Variants in LOC128706665 observed in about 807,000 individuals in gnomAD.
the LOC128706665 span, among the ~76,000 whole-genome samples, chr20:10,415,098 C>T: frequency 1.3e-5 from 2 of 151,960 alleles, no homozygotes; most frequent in African/African-American, 4.8e-5. Context: ...AGTGTCCTTG[C>T]TAAAAAAAAG....
At chr20:10,432,822 A>T in the LOC128706665 span, among the ~76,000 whole-genome samples, 1 of 141,736 alleles carries the variant, frequency 7.1e-6, no homozygotes, top group Admixed American at 7.2e-5. Flanking sequence ...AAAATCGTGT[A>T]GTTTTGTACA....
the LOC128706665 span, among the ~76,000 whole-genome samples, chr20:10,433,101 TCAA>T: frequency 6.6e-6 from 1 of 152,226 alleles, no homozygotes; most frequent in Non-Finnish European, 1.5e-5. Context: ...CCTCCAGGGC[TCAA>T]GCGATTCTCC....
the LOC128706665 span, among the ~76,000 whole-genome samples, chr20:10,417,864 T>C: frequency 1.6e-4 from 25 of 152,184 alleles, no homozygotes; most frequent in African/African-American, 5.8e-4. Context: ...AAAGAGGAAA[T>C]TGTTAAATGA....
the LOC128706665 span, among the ~76,000 whole-genome samples, chr20:10,429,253 T>C: frequency 1.4e-4 from 22 of 152,214 alleles, no homozygotes; most frequent in Non-Finnish European, 2.9e-4. Context: ...CTGTAGCCTT[T>C]TGATGTGTTC....
At chr20:10,425,688 C>G in the LOC128706665 span, among the ~76,000 whole-genome samples, 1 of 152,168 alleles carries the variant, frequency 6.6e-6, no homozygotes, top group Non-Finnish European at 1.5e-5. Context: ...CAAGAATAAG[C>G]TCAAAATGAT....
the LOC128706665 span, among the ~76,000 whole-genome samples, chr20:10,425,644 T>C: frequency 6.6e-6 from 1 of 152,228 alleles, no homozygotes; most frequent in African/African-American, 2.4e-5. Context: ...ATGGACTGTC[T>C]TGTAGAGATT....
At chr20:10,424,106 G>A in the LOC128706665 span, among the ~76,000 whole-genome samples, 2 of 152,080 alleles carry the variant, frequency 1.3e-5, no homozygotes, top group Admixed American at 1.3e-4. Context: ...TATTTTTAGA[G>A]TTTTCATTTA....
At chr20:10,416,798 C>T in the LOC128706665 span, among the ~76,000 whole-genome samples, 2 of 152,050 alleles carry the variant, frequency 1.3e-5, no homozygotes, top group African/African-American at 4.8e-5. Context: ...TAAATTAAGC[C>T]TATGGACCAT....
the LOC128706665 span, among the ~76,000 whole-genome samples, chr20:10,417,673 A>T: frequency 1.5e-4 from 1 of 6,834 alleles, no homozygotes; most frequent in Non-Finnish European, 3.1e-4. Flanking sequence ...CTTCTCTGTA[A>T]AAAAAAAAAA....
chr20:10,426,431 A>G, the LOC128706665 span, among the ~76,000 whole-genome samples: 8,506 of 152,226 alleles, frequency 0.056, 272 homozygotes, highest in Admixed American at 0.081. Flanking sequence ...TTTTTGGGAC[A>G]GTCTCACTCT....
chr20:10,419,392 C>T, the LOC128706665 span, among the ~76,000 whole-genome samples: 1 of 151,828 alleles, frequency 6.6e-6, no homozygotes, highest in Non-Finnish European at 1.5e-5. Context: ...TAGTATAACG[C>T]TATATTATAG....
At chr20:10,415,281 T>C in the LOC128706665 span, among the ~76,000 whole-genome samples, 4 of 152,156 alleles carry the variant, frequency 2.6e-5, no homozygotes, top group Admixed American at 2.6e-4. Flanking sequence ...TTAGCATAAA[T>C]GAAACAAATC....
At chr20:10,427,305 T>A in the LOC128706665 span, among the ~76,000 whole-genome samples, 1 of 152,234 alleles carries the variant, frequency 6.6e-6, no homozygotes, top group Non-Finnish European at 1.5e-5. Context: ...GCTGGCCTTT[T>A]GGACACAGTG....
chr20:10,428,239 C>A, the LOC128706665 span, among the ~76,000 whole-genome samples: 1 of 152,146 alleles, frequency 6.6e-6, no homozygotes, highest in African/African-American at 2.4e-5. Context: ...TGTTTTTACA[C>A]CCTGGCTGCC....
the LOC128706665 span, among the ~76,000 whole-genome samples, chr20:10,415,960 A>C: frequency 6.6e-6 from 1 of 152,184 alleles, no homozygotes; most frequent in African/African-American, 2.4e-5. Context: ...AGACCTGAAC[A>C]AAAGAAGGTA....
the LOC128706665 span, among the ~76,000 whole-genome samples, chr20:10,429,598 A>C: frequency 4.6e-5 from 7 of 152,320 alleles, no homozygotes; most frequent in African/African-American, 1.4e-4. Flanking sequence ...TCGTTAACAA[A>C]AAGCATCATC....
At chr20:10,414,295 C>T in the LOC128706665 span, among the ~76,000 whole-genome samples, 25 of 127,288 alleles carry the variant, frequency 2.0e-4, no homozygotes, top group Non-Finnish European at 3.5e-4. Context: ...GATGGAGTTT[C>T]GCTCTTGTTG....
chr20:10,423,236 G>A, the LOC128706665 span, among the ~76,000 whole-genome samples: 1 of 152,004 alleles, frequency 6.6e-6, no homozygotes, highest in African/African-American at 2.4e-5. Flanking sequence ...CCTAGGCAAC[G>A]TGGCAAAACC....
chr20:10,425,930 GAT>G, the LOC128706665 span, among the ~76,000 whole-genome samples: 1 of 152,118 alleles, frequency 6.6e-6, no homozygotes, highest in Admixed American at 6.5e-5. Flanking sequence ...CATGAAATGA[GAT>G]TAGTAAATTT....
Sources: allele counts gnomAD v4.1 joint callset (sites outside exome capture counted in the v4.1 genomes callset), GRCh38; gene constraint gnomAD v4.1.1; transcripts MANE v1.5.